The following CADPS variants were observed in gnomAD, a reference collection of about 807,000 sequenced individuals.
CADPS encodes the protein calcium-dependent secretion activator 1.
In CADPS, 57 loss-of-function variants were observed where a neutral mutation model predicts 167.3. The observed-to-expected ratio is 0.34, with a 90% confidence interval of 0.28 to 0.42. CADPS has a LOEUF of 0.42. CADPS is among the 20% of genes least tolerant of loss of function. The pLI, the probability that CADPS is intolerant of heterozygous loss-of-function variation, is 1.00. For missense variants in CADPS, 1,414 were observed against 1,738.1 expected, an observed-to-expected ratio of 0.81 and a Z score of 3.32; for synonymous variants, 676 against 635.3, an observed-to-expected ratio of 1.06 and a Z score of -0.96.
In CADPS at chr3:62,478,062, T is replaced by G; in HGVS notation, c.3329+199A>C. ...CATGAAAAAATTGGCAGCCAGATTA[T>G]TTTGGGTTTGGGACAGATGGAGGGC... is the stretch of plus-strand genomic sequence containing the variant. On this transcript the variant is annotated intron_variant, in intron 23 of 29. Coordinates refer to ENST00000383710, the MANE Select transcript of CADPS (RefSeq NM_003716.4). The surrounding 1 kb of genome is among the most constrained non-coding windows in gnomAD (Gnocchi z 5.7). 1 of 546,752 alleles carries G rather than the reference T, an allele frequency of 1.8e-6. No homozygotes were observed. Among genetic ancestry groups the G allele is most frequent in the Non-Finnish European group, 3.2e-6 (1 of 313,134 alleles). The allele number at this position is 546,752 out of a possible 1,614,324, so 33.9% of individuals were successfully genotyped here.
At chr3:62,489,197 G>A (rs185296808) in intron 21 of CADPS, among the ~76,000 whole-genome samples, 6 of 151,778 alleles carry the variant, frequency 4.0e-5, no homozygotes, top group African/African-American at 1.4e-4. Flanking sequence ...ATCTCGGTCT[G>A]TCACCCAGGC....
chr3:62,536,017 C>T (rs1337427326), intron 12 of CADPS: 1 of 153,072 alleles, frequency 6.5e-6, no homozygotes, highest in Admixed American at 6.5e-5. Flanking sequence ...ATTTACAAAT[C>T]ATTTTAACCT....
At chr3:62,757,462 T>C (rs1394889066) in intron 2 of CADPS, among the ~76,000 whole-genome samples, 1 of 152,010 alleles carries the variant, frequency 6.6e-6, no homozygotes, top group East Asian at 1.9e-4. Context: ...CAGTAAATAT[T>C]TGTGGAATGA....
chr3:62,781,091 C>T (rs1194265911), intron 1 of CADPS, among the ~76,000 whole-genome samples: 1 of 152,134 alleles, frequency 6.6e-6, no homozygotes, highest in Non-Finnish European at 1.5e-5. Flanking sequence ...GAGATATACT[C>T]AGATAAGCAA....
At chr3:62,744,706 A>G (rs2081083161) in intron 3 of CADPS, among the ~76,000 whole-genome samples, 1 of 152,230 alleles carries the variant, frequency 6.6e-6, no homozygotes, top group Non-Finnish European at 1.5e-5. Context: ...GGCTCAATGC[A>G]TATGAAAAGA....
chr3:62,607,675 G>A (rs2060875412), intron 6 of CADPS, among the ~76,000 whole-genome samples: 1 of 152,178 alleles, frequency 6.6e-6, no homozygotes, highest in South Asian at 2.1e-4. Context: ...CTTTGATAGA[G>A]GGGATTACGG....
intron 3 of CADPS, among the ~76,000 whole-genome samples, chr3:62,669,498 T>A (rs1280551526): frequency 6.6e-6 from 1 of 152,188 alleles, no homozygotes; most frequent in East Asian, 1.9e-4. Context: ...ATTCAAGACC[T>A]GGTTACTGCC....
intron 6 of CADPS, among the ~76,000 whole-genome samples, chr3:62,611,683 T>G (rs1213973854): frequency 6.6e-6 from 1 of 152,176 alleles, no homozygotes. Flanking sequence ...GTTATAGCTG[T>G]TCTTCAAAAA....
At chr3:62,809,871 T>C (rs2094311627) in intron 1 of CADPS, among the ~76,000 whole-genome samples, 2 of 152,122 alleles carry the variant, frequency 1.3e-5, no homozygotes, top group African/African-American at 4.8e-5. Context: ...TAATAGACTC[T>C]CACCCCCATC....
chr3:62,570,516 G>T (rs1006726465), intron 9 of CADPS, among the ~76,000 whole-genome samples: 1 of 152,192 alleles, frequency 6.6e-6, no homozygotes, highest in Admixed American at 6.5e-5. Context: ...GCATGAGCTT[G>T]CTCCCTTCTG....
intron 26 of CADPS, among the ~76,000 whole-genome samples, chr3:62,449,224 G>C (rs2150034811): frequency 6.6e-6 from 1 of 152,332 alleles, no homozygotes. Context: ...CACCTCACTG[G>C]AGAAGCTCAA....
rs141925462 is a variant in CADPS, at chr3:62,544,328, C to T, written c.1966+5575G>A. 6.6e-6 allele frequency among the ~76,000 whole-genome samples: 1 copy of T among 152,204 alleles called. No homozygotes were observed. Among genetic ancestry groups the T allele is most frequent in the Non-Finnish European group, 1.5e-5 (1 of 67,988 alleles). On this transcript the variant is annotated intron_variant, in intron 11 of 29. Coordinates refer to ENST00000383710, the MANE Select transcript of CADPS (RefSeq NM_003716.4). The surrounding 1 kb of genome is among the most constrained non-coding windows in gnomAD (Gnocchi z 4.4). ...ATTTCTTCTAGTCTTGCTCAGTTAA[C>T]AACTCTGGGTTTCCTACCCCACTTA...
intron 3 of CADPS, among the ~76,000 whole-genome samples, chr3:62,695,064 C>G (rs2080019420): frequency 6.6e-6 from 1 of 151,980 alleles, no homozygotes; most frequent in Non-Finnish European, 1.5e-5. Context: ...TCCTTCCACT[C>G]ATTATATTAT....
chr3:62,553,176 C>T (rs2077579514), intron 10 of CADPS, among the ~76,000 whole-genome samples: 1 of 152,166 alleles, frequency 6.6e-6, no homozygotes, highest in Non-Finnish European at 1.5e-5. Context: ...CCAAGGCCTC[C>T]CCCTCACCCA....
intron 6 of CADPS, among the ~76,000 whole-genome samples, chr3:62,599,780 T>TATATAATATATATTG (rs1491429269): frequency 0.033 from 403 of 12,336 alleles, 105 homozygotes; most frequent in Non-Finnish European, 0.043. Flanking sequence ...AATATATATA[T>TATATAATATATATTG]TATATATAAT....
intron 1 of CADPS, among the ~76,000 whole-genome samples, chr3:62,833,720 G>C (rs978777479): frequency 5.3e-5 from 8 of 152,030 alleles, no homozygotes; most frequent in Admixed American, 2.6e-4. Context: ...GAGGGAGACA[G>C]AGAAGCTGGT....
At chr3:62,500,958 G>T (rs1471047776) in intron 17 of CADPS, among the ~76,000 whole-genome samples, 1 of 152,208 alleles carries the variant, frequency 6.6e-6, no homozygotes, top group Non-Finnish European at 1.5e-5. Context: ...AAGGTGATTA[G>T]TGGGACAGGG....
chr3:62,826,874 A>G (rs888907154), intron 1 of CADPS, among the ~76,000 whole-genome samples: 5 of 152,170 alleles, frequency 3.3e-5, no homozygotes, highest in African/African-American at 1.2e-4. Flanking sequence ...AAAGGGGTGG[A>G]CAGGTTGTGG....
At chr3:62,715,792 T>C (rs911083083) in intron 3 of CADPS, among the ~76,000 whole-genome samples, 2 of 140,102 alleles carry the variant, frequency 1.4e-5, no homozygotes, top group African/African-American at 5.3e-5. Context: ...AGTCTTGCTG[T>C]GTCGCCCAGG....
Sources: allele counts gnomAD v4.1 joint callset (sites outside exome capture counted in the v4.1 genomes callset), GRCh38; gene constraint gnomAD v4.1.1; non-coding constraint Gnocchi (gnomAD v3.1); transcripts MANE v1.5; gene names NCBI Gene and HGNC (gene_info 2026-07-23, HGNC 2026-07-21).